MUC5AC: variants seen among roughly 807,000 people sequenced by gnomAD.
MUC5AC encodes the protein mucin 5AC, oligomeric mucus/gel-forming, also known as mucin-5AC.
MUC5AC carries 158 observed loss-of-function variants against 169.7 expected under a neutral mutation model. That is an observed-to-expected ratio of 0.93 (90% CI 0.82 to 1.06). MUC5AC has a LOEUF of 1.06. Ranked by LOEUF, MUC5AC falls within the 50% of genes least tolerant of loss-of-function variation. The probability of loss-of-function intolerance (pLI) is 0.00; values close to 1 mark genes in which losing one functional copy is unlikely to be tolerated. For synonymous variants in MUC5AC, 1,975 were observed against 1,237.0 expected (o/e 1.60, Z -12.52); for missense variants, 4,359 against 3,089.9 (o/e 1.41, Z -9.74).
At chr11:1,163,661 T>C (rs1435132817) in intron 6 of MUC5AC, among the ~76,000 whole-genome samples, 1 of 152,046 alleles carries the variant, frequency 6.6e-6, no homozygotes, top group Non-Finnish European at 1.5e-5. Context: ...TCCTGGGCTG[T>C]TTCTCCCCAT....
At position 1,178,503 on chromosome 11, in the gene MUC5AC, G is replaced by A. The variant is rs1429029530; in HGVS notation, c.3147G>A (p.Thr1049=). ...FDDIAVNDFA[T]RSRSVVGDVL... ...ACATCGCCGTTAATGACTTTGCCACGCGGAGCCGGTCTGTGGTGGGGGACG... is the reference window on the plus strand; with the variant it reads ...ACATCGCCGTTAATGACTTTGCCACACGGAGCCGGTCTGTGGTGGGGGACG... Residue 1049 remains threonine (T), a synonymous_variant, in exon 25 of 49, where the codon ACG becomes ACA. Coordinates refer to ENST00000621226, the MANE Select transcript of MUC5AC (RefSeq NM_001304359.2). The A allele has an allele frequency of 6.8e-6, 8 of 1,172,454 alleles. No homozygotes were observed. Among genetic ancestry groups the A allele is most frequent in the Admixed American group, 3.6e-5 (1 of 27,726 alleles). The allele number at this position is 1,172,454 out of a possible 1,614,324, so 72.6% of individuals were successfully genotyped here. A position where few individuals can be genotyped will look rare whatever the true frequency, so the allele number is the denominator to read the frequency against.
rs1861010808 is a variant in MUC5AC at position 1,188,565 on chromosome 11, G to T, written c.10420G>T (p.Ala3474Ser). 1 of 761,372 alleles carries T rather than the reference G, an allele frequency of 1.3e-6. No individual in the cohort carries two copies. The highest frequency in any genetic ancestry group is 1.7e-5 in the African/African-American group (1 of 58,920). 47.2% of individuals were successfully genotyped at this position (761,372 alleles called of 1,614,324 possible). The change falls in exon 31 of 49, where the codon GCT becomes TCT. Residue 3474 changes from alanine (A) to serine (S), a missense_variant. By Grantham distance (99) the Ala-to-Ser change is moderately conservative (BLOSUM62 1). Transcript: ENST00000621226. ...STPQTSKTSA[A>S]TSSTTSGSGT... is the part of the protein sequence containing the mutation. Reference sequence around the variant, plus strand: ...TCCACAGACCAGCAAAACCTCAGCTGCTACAAGCAGCACAACCTCCGGTTC... The same window carrying T: ...TCCACAGACCAGCAAAACCTCAGCTTCTACAAGCAGCACAACCTCCGGTTC...
chr11:1,177,771 G>C (rs1336383950), intron 24 of MUC5AC, 138 bp downstream of exon 24: 4 of 394,024 alleles, frequency 1.0e-5, no homozygotes, highest in East Asian at 3.6e-5. Context: ...AAGTGGGGGG[G>C]ACGGAGCCTT....
intron 43 of MUC5AC, among the ~76,000 whole-genome samples, 195 bp from the exon 44 acceptor site, chr11:1,198,679 G>A (rs933687166): frequency 2.0e-5 from 3 of 152,168 alleles, no homozygotes; most frequent in African/African-American, 7.2e-5. Context: ...CTGCTCTAGG[G>A]ATGGGGACCC....
At chr11:1,174,361 T>G in intron 16 of MUC5AC, 135 bp from the exon 17 acceptor site, 1 of 576,898 alleles carries the variant, frequency 1.7e-6, no homozygotes, top group Non-Finnish European at 3.1e-6. Context: ...CTGTGAGGAC[T>G]CACAGAGGGG....
intron 25 of MUC5AC, 124 bp from the exon 26 acceptor site, chr11:1,178,968 G>A (rs972209680): frequency 2.4e-6 from 1 of 425,504 alleles, no homozygotes; most frequent in Non-Finnish European, 4.1e-6. Flanking sequence ...TTGGGGATGG[G>A]CATTCGCCCT....
intron 3 of MUC5AC, 89 bp downstream of exon 3, chr11:1,161,675 C>T: frequency 7.1e-7 from 1 of 1,406,818 alleles, no homozygotes; most frequent in Non-Finnish European, 9.6e-7. Flanking sequence ...TGGAGAGGGG[C>T]CCCAGCTTTC....
chr11:1,169,117 G>C (rs1860422037), intron 15 of MUC5AC, 91 bp downstream of exon 15: 1 of 1,433,648 alleles, frequency 7.0e-7, no homozygotes, highest in Admixed American at 3.0e-5. Context: ...GGCCGGCCCT[G>C]CGTGTGCCTG....
At position 1,188,943 on chromosome 11, in the gene MUC5AC, G is replaced by A; in HGVS notation, c.10798G>A (p.Asp3600Asn). The change falls in exon 31 of 49, where the codon GAC becomes AAC. Residue 3600 changes from aspartate (D) to asparagine (N), a missense_variant. Coordinates refer to ENST00000621226, the MANE Select transcript of MUC5AC (RefSeq NM_001304359.2). ...AGAGGGCCTGGTGTGCCGGAACCAG[G>A]ACCAGCAGGGACCCTTCAAGATGTG... ...REEGLVCRNQ[D>N]QQGPFKMCLN... 1 of 724,788 alleles carries A rather than the reference G, an allele frequency of 1.4e-6. No homozygotes were observed. Among genetic ancestry groups the A allele is most frequent in the Non-Finnish European group, 2.5e-6 (1 of 399,712 alleles). 44.9% of individuals were successfully genotyped at this position (724,788 alleles called of 1,614,324 possible). A position where few individuals can be genotyped will look rare whatever the true frequency, so the allele number is the denominator to read the frequency against.
chr11:1,162,302 C>A, intron 4 of MUC5AC, 134 bp downstream of exon 4: 1 of 1,377,594 alleles, frequency 7.3e-7, no homozygotes, highest in Admixed American at 2.4e-5. Context: ...TGGACATGGG[C>A]CCTCCCTCGT....
intron 1 of MUC5AC, among the ~76,000 whole-genome samples, chr11:1,158,700 C>T (rs1321728569): frequency 4.6e-5 from 7 of 152,182 alleles, no homozygotes; most frequent in African/African-American, 1.4e-4. Context: ...CACCTGGGAC[C>T]GGGTCTGCTG....
intron 6 of MUC5AC, 32 bp from the exon 7 acceptor site, chr11:1,163,850 G>A (rs1273897691): frequency 1.9e-6 from 3 of 1,540,320 alleles, no homozygotes; most frequent in Non-Finnish European, 2.7e-6. Context: ...ACCGGGACCT[G>A]CAGGCAGAGC....
At chr11:1,178,766 G>A (rs1860744876) in intron 25 of MUC5AC, 83 bp downstream of exon 25, 2 of 732,056 alleles carry the variant, frequency 2.7e-6, no homozygotes, top group East Asian at 3.4e-5. Context: ...AGGGAATGGG[G>A]TCTGGGAGAC....
chr11:1,195,769 CT>C, intron 36 of MUC5AC, 106 bp from the exon 37 acceptor site: 1 of 622,168 alleles, frequency 1.6e-6, no homozygotes. Context: ...AGTGGCTGCT[CT>C]GGGACTCGCC....
chr11:1,164,435 C>T lies in MUC5AC; in HGVS notation c.1032C>T (p.Tyr344=). Residue 344 remains tyrosine (Y), a synonymous_variant, in exon 9 of 49, where the codon TAC becomes TAT. Transcript: ENST00000621226. ...AGAAGTGCCCCAACAACATGCAGTACCACGAGTGCCGCTCCCCCTGCGCAG... is the reference window on the plus strand; with the variant it reads ...AGAAGTGCCCCAACAACATGCAGTATCACGAGTGCCGCTCCCCCTGCGCAG... The part of the protein sequence containing the change: ...CPQKCPNNMQ[Y]HECRSPCADT... The T allele has an allele frequency of 6.2e-7, 1 of 1,612,308 alleles. No individual in the cohort carries two copies.
chr11:1,175,605 A>G (rs1860654709), intron 19 of MUC5AC, among the ~76,000 whole-genome samples: 2 of 103,860 alleles, frequency 1.9e-5, no homozygotes, highest in African/African-American at 7.6e-5. Context: ...ACGCATTCAC[A>G]CCCTCATGCA....
rs761639583 is a variant in MUC5AC at position 1,160,673 on chromosome 11, C to T, written c.135C>T (p.Ile45=). ...SYKHHPALSP[I]ARGPSGVPLR... is the part of the protein sequence containing the mutation. The stretch of plus-strand genomic sequence containing the variant: ...AGCACCACCCTGCCCTCTCTCCTAT[C>T]GCCCGGGGGCCCAGCGGTGAGTCTG... Residue 45 remains isoleucine, a synonymous_variant, in exon 2 of 49, where the codon ATC becomes ATT. Transcript: ENST00000621226. 21 of 1,610,242 alleles carry T rather than the reference C, an allele frequency of 1.3e-5. No individual in the cohort carries two copies. Among genetic ancestry groups the T allele is most frequent in the African/African-American group, 4.0e-5 (3 of 74,910 alleles).
In MUC5AC at chr11:1,186,068, C is replaced by G; in HGVS notation, c.7923C>G (p.Thr2641=). 1 of 739,470 alleles carries G rather than the reference C, an allele frequency of 1.4e-6. No individual in the cohort carries two copies. Among genetic ancestry groups the G allele is most frequent in the Non-Finnish European group, 2.5e-6 (1 of 405,918 alleles). 45.8% of individuals were successfully genotyped at this position (739,470 alleles called of 1,614,324 possible). The change falls in exon 31 of 49, where the codon ACC becomes ACG. Residue 2641 remains threonine (T), a synonymous_variant. Coordinates refer to ENST00000621226, the MANE Select transcript of MUC5AC (RefSeq NM_001304359.2). ...GPETTPSPVP[T]ASTTSASTTS... is the part of the protein sequence containing the mutation. ...AAACTACTCCCAGCCCTGTTCCTAC[C>G]GCCAGCACAACCTCTGCTTCTACAA... is the stretch of plus-strand genomic sequence containing the variant.
rs1196395846 is a variant in MUC5AC at position 1,167,924 on chromosome 11, CG to C, written c.1437del (p.Leu480Ter). The C allele has an allele frequency of 4.5e-6, 7 of 1,550,572 alleles. No individual in the cohort carries two copies. Among genetic ancestry groups the C allele is most frequent in the Non-Finnish European group, 4.4e-6 (5 of 1,147,232 alleles). On this transcript the variant is annotated frameshift_variant, in exon 12 of 49. Transcript: ENST00000621226. LOFTEE classifies it high-confidence loss of function. The stretch of plus-strand genomic sequence containing the variant: ...CTGTACTGGCTGAGCTGCGCAGGTG[CG>C]GGCTGACGGACAGCGAGACCTGCCT... ...FTVLAELRRC[G>X]LTDSETCLKS...
Sources: allele counts gnomAD v4.1 joint callset (sites outside exome capture counted in the v4.1 genomes callset), GRCh38; gene constraint gnomAD v4.1.1; transcripts MANE v1.5; gene names NCBI Gene and HGNC (gene_info 2026-07-23, HGNC 2026-07-21).